Variants in DGKB observed in about 807,000 individuals in gnomAD.
DGKB encodes diacylglycerol kinase beta, also known as 90 kDa diacylglycerol kinase.
In DGKB, 67 loss-of-function variants were observed where a neutral mutation model predicts 114.3. The ratio of observed to expected loss-of-function variants is 0.59; its 90% confidence interval spans 0.48 to 0.72. The LOEUF (loss-of-function observed/expected upper bound fraction) is 0.72. DGKB is among the 30% of genes least tolerant of loss of function. DGKB has a pLI of 0.00. For synonymous variants in DGKB, 398 were observed against 323.1 expected, an observed-to-expected ratio of 1.23 and a Z score of -2.49; for missense variants, 907 against 975.2, an observed-to-expected ratio of 0.93 and a Z score of 0.93.
At chr7:14,476,770 T>G (rs1782234946) in intron 21 of DGKB, among the ~76,000 whole-genome samples, 1 of 151,524 alleles carries the variant, frequency 6.6e-6, no homozygotes, top group Non-Finnish European at 1.5e-5. Context: ...TTTTTTTTTT[T>G]TTGAGACGGA....
chr7:14,863,004 A>C (rs369640072), intron 1 of DGKB, among the ~76,000 whole-genome samples: 1 of 152,094 alleles, frequency 6.6e-6, no homozygotes, highest in South Asian at 2.1e-4. Context: ...GTAAGAGGTC[A>C]CAATAGCAAC....
At chr7:14,548,919 G>C (rs1046786951) in intron 20 of DGKB, among the ~76,000 whole-genome samples, 8 of 151,922 alleles carry the variant, frequency 5.3e-5, no homozygotes, top group African/African-American at 9.7e-5. Flanking sequence ...GAAATGCTAA[G>C]ATCAGTTCTA....
At chr7:14,380,817 A>G (rs1032781079) in intron 21 of DGKB, among the ~76,000 whole-genome samples, 1 of 152,228 alleles carries the variant, frequency 6.6e-6, no homozygotes, top group African/African-American at 2.4e-5. Context: ...CATATGGACT[A>G]TATTTTAATT....
chr7:14,937,488 G>A (rs970900657), intron 1 of DGKB, among the ~76,000 whole-genome samples: 2 of 151,994 alleles, frequency 1.3e-5, no homozygotes, highest in Non-Finnish European at 2.9e-5. Context: ...ACTATATATA[G>A]TCTGTGTGTA....
chr7:14,881,672 G>A lies in DGKB; in HGVS notation c.-188+20920C>T, dbSNP rs532141699. Among the ~76,000 whole-genome samples the A allele has an allele frequency of 6.6e-5, 10 of 152,010 alleles. No homozygotes were observed. The South Asian group carries it at 2.1e-3, about 32-fold the overall frequency. On this transcript the variant is annotated intron_variant, in intron 1 of 25. Transcript: ENST00000402815. The stretch of plus-strand genomic sequence containing the variant: ...GTGGTGCAGATTTCTGATTTTGTAG[G>A]GTTGTGTACCTTTCTTCAACTTCCT...
chr7:14,230,082 A>G (rs1037026570), intron 23 of DGKB, among the ~76,000 whole-genome samples: 18 of 151,914 alleles, frequency 1.2e-4, no homozygotes, highest in African/African-American at 3.4e-4. Context: ...GTTACTTCCT[A>G]TGGGCTCATA....
At chr7:14,801,251 G>C (rs751682573) in intron 2 of DGKB, among the ~76,000 whole-genome samples, 3 of 152,158 alleles carry the variant, frequency 2.0e-5, no homozygotes, top group Non-Finnish European at 4.4e-5. Flanking sequence ...CGCATTTTCA[G>C]TTGTATGCAG....
chr7:14,387,082 T>C (rs1172778085), intron 21 of DGKB, among the ~76,000 whole-genome samples: 3 of 150,114 alleles, frequency 2.0e-5, no homozygotes, highest in Non-Finnish European at 3.0e-5. Flanking sequence ...AAAACAGTTT[T>C]GTTTGTTTCT....
At chr7:14,708,575 C>T (rs974654790) in intron 6 of DGKB, among the ~76,000 whole-genome samples, 2 of 151,414 alleles carry the variant, frequency 1.3e-5, no homozygotes, top group African/African-American at 4.9e-5. Flanking sequence ...TACTACAAGG[C>T]TACAGTAACC....
intron 5 of DGKB, among the ~76,000 whole-genome samples, chr7:14,728,904 G>C (rs930702418): frequency 1.3e-5 from 2 of 151,678 alleles, no homozygotes; most frequent in African/African-American, 4.8e-5. Context: ...GTTTCACTAT[G>C]TTGGCCAGGC....
At chr7:14,825,018 A>ATG (rs1472092605) in intron 2 of DGKB, among the ~76,000 whole-genome samples, 115 of 47,912 alleles carry the variant, frequency 2.4e-3, no homozygotes, top group Non-Finnish European at 2.5e-3. Flanking sequence ...ATGTGTATGT[A>ATG]TATATATATA....
At chr7:14,922,061 A>C (rs1784529571) in intron 1 of DGKB, among the ~76,000 whole-genome samples, 1 of 152,170 alleles carries the variant, frequency 6.6e-6, no homozygotes, top group South Asian at 2.1e-4. Flanking sequence ...GATGACTTCG[A>C]CAAAGAGCGT....
chr7:14,415,846 A>T (rs1289620792), intron 21 of DGKB, among the ~76,000 whole-genome samples: 1 of 152,134 alleles, frequency 6.6e-6, no homozygotes, highest in East Asian at 1.9e-4. Context: ...GAATCGCCAC[A>T]CTGACTTCCA....
intron 23 of DGKB, among the ~76,000 whole-genome samples, chr7:14,258,687 A>G (rs1349926099): frequency 2.6e-5 from 4 of 152,228 alleles, no homozygotes; most frequent in Non-Finnish European, 5.9e-5. Context: ...ACGCATAAGC[A>G]CAATCAAGTC....
At chr7:14,769,041 C>A (rs1242533913) in intron 2 of DGKB, among the ~76,000 whole-genome samples, 1 of 144,956 alleles carries the variant, frequency 6.9e-6, no homozygotes, top group African/African-American at 2.6e-5. Flanking sequence ...AACAAAGCTA[C>A]CCCTACACTG....
intron 23 of DGKB, chr7:14,209,452 G>A: frequency 2.1e-6 from 1 of 473,632 alleles, no homozygotes; most frequent in Admixed American, 2.3e-5. Flanking sequence ...ACTACACAAG[G>A]CTATTCTCTG....
intron 21 of DGKB, among the ~76,000 whole-genome samples, chr7:14,462,111 T>C (rs1833170705): frequency 6.6e-6 from 1 of 152,128 alleles, no homozygotes; most frequent in Non-Finnish European, 1.5e-5. Flanking sequence ...TATCTCAAAA[T>C]AATAAGAGCT....
chr7:14,933,833 C>A (rs779637021), intron 1 of DGKB, among the ~76,000 whole-genome samples: 3 of 151,996 alleles, frequency 2.0e-5, no homozygotes, highest in Non-Finnish European at 2.9e-5. Context: ...TTTCAACAGC[C>A]CTAGAAGTTC....
chr7:14,388,269 A>G (rs1034632727), intron 21 of DGKB, among the ~76,000 whole-genome samples: 9 of 149,528 alleles, frequency 6.0e-5, no homozygotes, highest in African/African-American at 1.9e-4. Context: ...GTGAAGCCAA[A>G]AAAAAAAAGT....
Sources: gnomAD v4.1 joint callset for allele counts (sites outside exome capture counted in the v4.1 genomes callset) on GRCh38, gnomAD v4.1.1 for gene constraint, MANE v1.5 for transcripts, NCBI Gene and HGNC (gene_info 2026-07-23, HGNC 2026-07-21) for gene names.